Variants in PTPN5 observed in about 807,000 individuals in gnomAD.
PTPN5 encodes the protein tyrosine-protein phosphatase non-receptor type 5.
A neutral mutation model predicts 73.9 loss-of-function variants in PTPN5; 29 were observed. The ratio of observed to expected loss-of-function variants is 0.39; its 90% CI spans 0.29 to 0.54. The LOEUF is 0.54. Among genes scored for constraint, PTPN5 ranks in the 20% least tolerant of loss-of-function variants. The pLI is 0.65. For synonymous variants in PTPN5, 267 were observed against 304.7 expected, an observed-to-expected ratio of 0.88 and a Z score of 1.29; for missense variants, 652 against 751.4, an observed-to-expected ratio of 0.87 and a Z score of 1.55.
At chr11:18,767,297 T>C (rs1850686546) in intron 2 of PTPN5, among the ~76,000 whole-genome samples, 1 of 152,220 alleles carries the variant, frequency 6.6e-6, no homozygotes, top group East Asian at 1.9e-4. Flanking sequence ...GATATCTTCT[T>C]TTTCAACTGG....
At position 18,742,278 on chromosome 11, in the gene PTPN5, T is replaced by C. The variant is rs755111129; in HGVS notation, c.709A>G (p.Met237Val). 32 of 1,614,012 alleles carry C rather than the reference T, an allele frequency of 2.0e-5. No homozygotes were observed. Among genetic ancestry groups the C allele is most frequent in the Non-Finnish European group, 2.7e-5 (32 of 1,179,958 alleles). ...ADPTSLTVKS[M>V]GLQERRGSNV... ...CCCTCCCACCTCTCCTGCAGACCCA[T>C]GGACTTGACGGTGAGTGAGGTGGGG... Residue 237 changes from methionine (M) to valine (V), a missense_variant, in exon 7 of 15, where the codon ATG (methionine) becomes GTG (valine). This residue lies in a region of PTPN5 where 529 missense variants were observed against 573.9 expected (regional missense o/e 0.92). Coordinates refer to ENST00000358540, the MANE Select transcript of PTPN5 (RefSeq NM_006906.2). The surrounding 1 kb of genome is among the most constrained non-coding windows in gnomAD (Gnocchi z 4.1).
chr11:18,763,723 T>C lies in PTPN5; in HGVS notation c.97+2084A>G, dbSNP rs139074278. Among the ~76,000 whole-genome samples, 1,040 of 152,348 alleles carry C rather than the reference T, an allele frequency of 6.8e-3. 7 individuals are homozygous for C. The highest frequency in any genetic ancestry group is 0.011 in the Non-Finnish European group (753 of 68,032). ...TATCTAGCACCTAGTACCTGAGACC[T>C]AGTAGGTGCTCAATAAGTACTTGAG... On this transcript the variant is annotated intron_variant, in intron 3 of 14. Coordinates refer to ENST00000358540, the MANE Select transcript of PTPN5 (RefSeq NM_006906.2).
chr11:18,737,799 G>A, intron 9 of PTPN5, 81 bp downstream of exon 9: 1 of 1,263,622 alleles, frequency 7.9e-7, no homozygotes. Flanking sequence ...TAGAGGCCCA[G>A]CTGAGGGTCC....
At chr11:18,771,705 T>A (rs1462444599) in intron 2 of PTPN5, among the ~76,000 whole-genome samples, 1 of 152,090 alleles carries the variant, frequency 6.6e-6, no homozygotes, top group East Asian at 1.9e-4. Flanking sequence ...GCTAGGAGCA[T>A]CCCAATTAAA....
chr11:18,757,687 G>A (rs1263888393), intron 3 of PTPN5, among the ~76,000 whole-genome samples: 1 of 152,200 alleles, frequency 6.6e-6, no homozygotes, highest in Non-Finnish European at 1.5e-5. Flanking sequence ...GTGCTCATGA[G>A]TGTCCTTGTG....
At chr11:18,737,567 A>G (rs1292863843) in intron 9 of PTPN5, among the ~76,000 whole-genome samples, 1 of 152,170 alleles carries the variant, frequency 6.6e-6, no homozygotes, top group African/African-American at 2.4e-5. Flanking sequence ...GCCCACTCTG[A>G]AAAGAGTTTC....
intron 1 of PTPN5, among the ~76,000 whole-genome samples, chr11:18,783,971 T>C (rs762386479): frequency 8.5e-5 from 13 of 152,236 alleles, no homozygotes; most frequent in Non-Finnish European, 1.3e-4. Context: ...CTCTTCTCTG[T>C]TACCTCCATG....
At chr11:18,773,306 C>T (rs1850996115) in intron 1 of PTPN5, among the ~76,000 whole-genome samples, 1 of 124,062 alleles carries the variant, frequency 8.1e-6, no homozygotes, top group South Asian at 2.6e-4. Flanking sequence ...GCGGGTGTCT[C>T]TTTGTCAGGG....
chr11:18,729,693 C>T lies in PTPN5; in HGVS notation c.1455G>A (p.Glu485=), dbSNP rs778034749. 3.2e-6 allele frequency: 5 copies of T among 1,581,118 alleles called. No individual in the cohort carries two copies. The East Asian group carries it at 9.0e-5, about 29-fold the overall frequency. ...VREVEEAAQQ[E]GPHCAPIIVH... is the part of the protein sequence containing the mutation. ...CGATGATGGGGGCACAGTGGGGCCC[C>T]TCCTGCTGGGCTGCCTCCTCCACCT... is the stretch of plus-strand genomic sequence containing the variant. The change falls in exon 13 of 15, where the codon GAG becomes GAA. Residue 485 remains glutamate, a synonymous_variant. Coordinates refer to ENST00000358540, the MANE Select transcript of PTPN5 (RefSeq NM_006906.2). This position sits in a 1 kb window ranked among gnomAD's most constrained non-coding sequence, Gnocchi z 5.2.
chr11:18,728,495 G>A lies in PTPN5; in HGVS notation c.*439C>T, dbSNP rs1344207432. On this transcript the variant is annotated 3_prime_UTR_variant, in exon 15 of 15. Coordinates refer to ENST00000358540, the MANE Select transcript of PTPN5 (RefSeq NM_006906.2). The surrounding 1 kb of genome is among the most constrained non-coding windows in gnomAD (Gnocchi z 4.1). ...GTGCGGGTGAGGCCGAGGCAGGCAAGTCCGGTTGCTTAGGGGCTGGAGCTC... is the reference window on the plus strand; with the variant it reads ...GTGCGGGTGAGGCCGAGGCAGGCAAATCCGGTTGCTTAGGGGCTGGAGCTC... 1.9e-5 allele frequency: 3 copies of A among 155,782 alleles called. No individual in the cohort carries two copies. The highest frequency in any genetic ancestry group is 4.3e-5 in the Non-Finnish European group (3 of 70,274). The allele number at this position is 155,782 out of a possible 1,614,324, so 9.6% of individuals were successfully genotyped here. A position where few individuals can be genotyped will look rare whatever the true frequency, so the allele number is the denominator to read the frequency against.
At chr11:18,774,533 G>A (rs914301360) in intron 1 of PTPN5, among the ~76,000 whole-genome samples, 5 of 152,256 alleles carry the variant, frequency 3.3e-5, no homozygotes, top group Non-Finnish European at 7.3e-5. Flanking sequence ...GGGCTGGAGG[G>A]GGCTTGAGGA....
chr11:18,785,713 C>A (rs1185299318), intron 1 of PTPN5, among the ~76,000 whole-genome samples: 1 of 152,210 alleles, frequency 6.6e-6, no homozygotes, highest in Non-Finnish European at 1.5e-5. Context: ...AGGCGAGGGG[C>A]TGTTTCATGT....
Position 18,728,754 on chromosome 11 carries a change from A to G in PTPN5, c.*180T>C. 1.8e-6 allele frequency: 1 copy of G among 570,838 alleles called. No individual in the cohort carries two copies. Among genetic ancestry groups the G allele is most frequent in the Non-Finnish European group, 2.9e-6 (1 of 340,856 alleles). The allele number at this position is 570,838 out of a possible 1,614,324, so 35.4% of individuals were successfully genotyped here. A position where few individuals can be genotyped will look rare whatever the true frequency, so the allele number is the denominator to read the frequency against. The stretch of plus-strand genomic sequence containing the variant: ...TCCCGACCCTGCCCCCCACTCCCCA[A>G]TATGTACAGTAGGAAGAGCAATGCT... On this transcript the variant is annotated 3_prime_UTR_variant, in exon 15 of 15. Coordinates refer to ENST00000358540, the MANE Select transcript of PTPN5 (RefSeq NM_006906.2). The surrounding 1 kb of genome is among the most constrained non-coding windows in gnomAD (Gnocchi z 4.1).
chr11:18,775,155 G>T (rs886434107), intron 1 of PTPN5, among the ~76,000 whole-genome samples: 1 of 152,192 alleles, frequency 6.6e-6, no homozygotes, highest in African/African-American at 2.4e-5. Context: ...AAAGTGACCT[G>T]CCTAAGGCCA....
intron 3 of PTPN5, among the ~76,000 whole-genome samples, chr11:18,758,997 T>A (rs748117855): frequency 3.8e-4 from 57 of 151,978 alleles, no homozygotes; most frequent in Non-Finnish European, 1.2e-4. Context: ...CCCTTAAATA[T>A]GTAAGCATAA....
At chr11:18,759,820 C>T (rs1339616208) in intron 3 of PTPN5, among the ~76,000 whole-genome samples, 2 of 152,244 alleles carry the variant, frequency 1.3e-5, no homozygotes, top group African/African-American at 4.8e-5. Flanking sequence ...GGTCCATCTT[C>T]TGGAGGTTTG....
At chr11:18,784,360 C>T (rs542538470) in intron 1 of PTPN5, among the ~76,000 whole-genome samples, 1 of 151,914 alleles carries the variant, frequency 6.6e-6, no homozygotes, top group East Asian at 1.9e-4. Context: ...CAGAGACGAC[C>T]CTTGAAAACA....
At chr11:18,758,179 C>A (rs1448329228) in intron 3 of PTPN5, among the ~76,000 whole-genome samples, 2 of 152,198 alleles carry the variant, frequency 1.3e-5, no homozygotes, top group Non-Finnish European at 2.9e-5. Flanking sequence ...CTGCACTCCT[C>A]CTATCAAGAG....
At chr11:18,756,848 C>T (rs573978279) in intron 3 of PTPN5, among the ~76,000 whole-genome samples, 12 of 149,990 alleles carry the variant, frequency 8.0e-5, no homozygotes, top group East Asian at 4.0e-4. Context: ...TGCTTAAACC[C>T]GGGAGGTGGA....
Sources: allele counts gnomAD v4.1 joint callset (sites outside exome capture counted in the v4.1 genomes callset), GRCh38; gene constraint gnomAD v4.1.1; regional missense constraint gnomAD v4.1.1; non-coding constraint Gnocchi (gnomAD v3.1); transcripts MANE v1.5; gene names NCBI Gene and HGNC (gene_info 2026-07-23, HGNC 2026-07-21).